Variants in DAPK3 observed in about 807,000 individuals in gnomAD.
The protein encoded by DAPK3 is death associated protein kinase 3.
In DAPK3, 24 loss-of-function variants were observed where a neutral mutation model predicts 30.6. That is an observed-to-expected ratio of 0.78 (90% CI 0.57 to 1.10). The LOEUF (loss-of-function observed/expected upper bound fraction) is 1.10, where lower values mean the gene tolerates loss of function less well. Ranked by LOEUF, DAPK3 falls within the 50% of genes least tolerant of loss-of-function variation. The probability of loss-of-function intolerance (pLI) is 0.00; values close to 1 mark genes in which losing one functional copy is unlikely to be tolerated. For missense variants in DAPK3, 629 were observed against 657.3 expected, an observed-to-expected ratio of 0.96 and a Z score of 0.47; for synonymous variants, 341 against 284.0, an observed-to-expected ratio of 1.20 and a Z score of -2.02.
At position 3,971,040 on chromosome 19, in the gene DAPK3, T is replaced by C. The variant is rs1435847690; in HGVS notation, c.-214A>G. On this transcript the variant is annotated 5_prime_UTR_variant, in exon 1 of 9. Coordinates refer to ENST00000545797, the MANE Select transcript of DAPK3 (RefSeq NM_001348.3). ...TCTTTACCCTCCGCAGCCCGGAGAA[T>C]ACGGCCGGCGCCGCCGCGCTGGCCA... 3 of 153,448 alleles carry C rather than the reference T, an allele frequency of 2.0e-5. No homozygotes were observed. Among genetic ancestry groups the C allele is most frequent in the African/African-American group, 7.3e-5 (3 of 41,368 alleles). The allele number at this position is 153,448 out of a possible 1,614,324, so 9.5% of individuals were successfully genotyped here. A position where few individuals can be genotyped will look rare whatever the true frequency, so the allele number is the denominator to read the frequency against.
At chr19:3,961,544 G>A (rs765565324) in intron 6 of DAPK3, 26 of 494,578 alleles carry the variant, frequency 5.3e-5, no homozygotes, top group African/African-American at 4.9e-4. Flanking sequence ...GGCAGTGAGA[G>A]GCCCCAACAG....
intron 2 of DAPK3, 122 bp from the exon 3 acceptor site, chr19:3,965,113 G>T (rs1408679072): frequency 3.2e-6 from 2 of 627,370 alleles, no homozygotes; most frequent in Admixed American, 5.3e-5. Context: ...GCACTTGAAG[G>T]ACATGAGCTG....
chr19:3,961,373 C>A (rs1479510299), intron 6 of DAPK3: 3 of 712,328 alleles, frequency 4.2e-6, no homozygotes, highest in Non-Finnish European at 8.0e-6. Context: ...CCGCCACTGA[C>A]AGCAGCAGAA....
At position 3,960,056 on chromosome 19, in the gene DAPK3, T is replaced by TA; in HGVS notation, c.828+2dup. ...CAGGGAGCTCCCCCACCTCCCCACT[T>TA]ACCTTAATCCAGGAATGTTCCAGGC... On this transcript the variant is annotated splice_region_variant and intron_variant, in intron 8 of 8. Coordinates refer to ENST00000545797, the MANE Select transcript of DAPK3 (RefSeq NM_001348.3). The TA allele has an allele frequency of 6.6e-7, 1 of 1,525,546 alleles. No homozygotes were observed. The highest frequency in any genetic ancestry group is 9.1e-7 in the Non-Finnish European group (1 of 1,099,744). 94.5% of individuals were successfully genotyped at this position (1,525,546 alleles called of 1,614,324 possible).
chr19:3,963,510 C>A, intron 6 of DAPK3, 133 bp downstream of exon 6: 1 of 563,330 alleles, frequency 1.8e-6, no homozygotes, highest in Non-Finnish European at 3.2e-6. Context: ...CATCCGTTCA[C>A]CCGGTATCCC....
intron 6 of DAPK3, chr19:3,961,556 G>A (rs375739266): frequency 1.1e-4 from 51 of 485,410 alleles, no homozygotes; most frequent in East Asian, 7.0e-4. Flanking sequence ...CCCCAACAGC[G>A]TCTGCCTCCC....
In DAPK3 at chr19:3,969,853, A is replaced by G. The variant is rs531822747; in HGVS notation, c.-94-24T>C. ...CCCTGGAGAAGACAGGGAAAGACAG[A>G]AGTGAGGAACTGAGACACCACCCTT... is the stretch of plus-strand genomic sequence containing the variant. On this transcript the variant is annotated intron_variant, in intron 1 of 8. Coordinates refer to ENST00000545797, the MANE Select transcript of DAPK3 (RefSeq NM_001348.3). The G allele has an allele frequency of 1.6e-5, 11 of 707,124 alleles. No individual in the cohort carries two copies. In the Admixed American group the frequency reaches 1.7e-4, roughly 11 times the overall value. The allele number at this position is 707,124 out of a possible 1,614,324, so 43.8% of individuals were successfully genotyped here. A position where few individuals can be genotyped will look rare whatever the true frequency, so the allele number is the denominator to read the frequency against.
rs1273405453 is a variant in DAPK3 at position 3,966,727 on chromosome 19, C to T, written c.63-1736G>A. 3.9e-5 allele frequency among the ~76,000 whole-genome samples: 6 copies of T among 152,308 alleles called. No homozygotes were observed. The East Asian group carries it at 9.6e-4, about 24-fold the overall frequency. ...TGCGGCCGCTGCACACCTGGACAAC[C>T]TGGTTCTGTAAACCACGCCTTTCCC... is the stretch of plus-strand genomic sequence containing the variant. On this transcript the variant is annotated intron_variant, in intron 2 of 8. Transcript: ENST00000545797.
chr19:3,967,436 C>T (rs2039589834), intron 2 of DAPK3, among the ~76,000 whole-genome samples: 1 of 149,686 alleles, frequency 6.7e-6, no homozygotes, highest in East Asian at 2.0e-4. Flanking sequence ...CCGGGCGACA[C>T]TGCAAGACTC....
chr19:3,958,992 G>A lies in DAPK3; in HGVS notation c.*109C>T. On this transcript the variant is annotated 3_prime_UTR_variant, in exon 9 of 9. Coordinates refer to ENST00000545797, the MANE Select transcript of DAPK3 (RefSeq NM_001348.3). ...CCCACTCCGCCTCCAGCCTGGTGGC[G>A]CTGGGCAAGGACAGGCACCCGGGCG... 2 of 707,292 alleles carry A rather than the reference G, an allele frequency of 2.8e-6. No homozygotes were observed. The highest frequency in any genetic ancestry group is 4.5e-6 in the Non-Finnish European group (2 of 444,050). The allele number at this position is 707,292 out of a possible 1,614,324, so 43.8% of individuals were successfully genotyped here.
rs541223017 is a variant in DAPK3 at position 3,965,836 on chromosome 19, T to G, written c.63-845A>C. On this transcript the variant is annotated intron_variant, in intron 2 of 8. Coordinates refer to ENST00000545797, the MANE Select transcript of DAPK3 (RefSeq NM_001348.3). ...CATACCACCACACCCAATTAATTTTTTTTTCTTTTTGTAAGGATGAGGTCT... is the reference window on the plus strand; with the variant it reads ...CATACCACCACACCCAATTAATTTTGTTTTCTTTTTGTAAGGATGAGGTCT... Among the ~76,000 whole-genome samples the G allele has an allele frequency of 1.1e-4, 16 of 152,116 alleles. No individual in the cohort carries two copies. The East Asian group carries it at 2.9e-3, about 28-fold the overall frequency.
chr19:3,964,805 G>A lies in DAPK3; in HGVS notation c.249C>T (p.Phe83=), dbSNP rs750459243. 1.1e-5 allele frequency: 18 copies of A among 1,612,090 alleles called. No homozygotes were observed. Among genetic ancestry groups the A allele is most frequent in the South Asian group, 3.3e-5 (3 of 91,038 alleles). Residue 83 remains phenylalanine, a synonymous_variant, in exon 3 of 9, where the codon TTC becomes TTT. Coordinates refer to ENST00000545797, the MANE Select transcript of DAPK3 (RefSeq NM_001348.3). Reference sequence around the variant, plus strand: ...TGAGGACCACGTCCGTCTTGTTCTCGAAGATGTCGTGCAGGGTGATGATGT... The same window carrying A: ...TGAGGACCACGTCCGTCTTGTTCTCAAAGATGTCGTGCAGGGTGATGATGT... ...HPNIITLHDI[F]ENKTDVVLIL...
At chr19:3,960,647 C>T (rs770721816) in intron 7 of DAPK3, among the ~76,000 whole-genome samples, 3 of 151,770 alleles carry the variant, frequency 2.0e-5, no homozygotes, top group African/African-American at 4.8e-5. Flanking sequence ...GGCGTGGTGG[C>T]GGGCGTCTAT....
In DAPK3 at chr19:3,969,806, C is replaced by T. The variant is rs766233572; in HGVS notation, c.-71G>A. On this transcript the variant is annotated 5_prime_UTR_variant, in exon 2 of 9. Coordinates refer to ENST00000545797, the MANE Select transcript of DAPK3 (RefSeq NM_001348.3). ...AGTCACCGCAGCCTGGAGATAGGAC[C>T]TCAGGAGTCCCCTAATGGCAACCCT... The T allele has an allele frequency of 1.3e-4, 139 of 1,085,160 alleles. 2 individuals are homozygous for T. Among genetic ancestry groups the T allele is most frequent in the Middle Eastern group, 1.2e-3 (6 of 5,100 alleles). The allele number at this position is 1,085,160 out of a possible 1,614,324, so 67.2% of individuals were successfully genotyped here.
At position 3,965,001 on chromosome 19, in the gene DAPK3, G is replaced by A; in HGVS notation, c.63-10C>T. On this transcript the variant is annotated splice_polypyrimidine_tract_variant and intron_variant, in intron 2 of 8. Transcript: ENST00000545797. The stretch of plus-strand genomic sequence containing the variant: ...GATCGCAAACTGGCCGCTGGAGGAG[G>A]GGGAGGGAGTGAGTGGGGGTGGAGG... 6.4e-7 allele frequency: 1 copy of A among 1,563,404 alleles called. No homozygotes were observed. The highest frequency in any genetic ancestry group is 1.1e-5 in the South Asian group (1 of 89,422).
rs746472976 is a variant in DAPK3 at position 3,959,212 on chromosome 19, G to A, written c.1254C>T (p.Asn418=). The change falls in exon 9 of 9, where the codon AAC becomes AAT. Residue 418 remains asparagine (N), a synonymous_variant. Coordinates refer to ENST00000545797, the MANE Select transcript of DAPK3 (RefSeq NM_001348.3). ...GLKRRFSRLE[N]RYEALAKQVA... ...CTTGCTTGGCCAGCGCCTCGTAGCG[G>A]TTCTCCAGGCGGCTGAAGCGGCGCT... 2 of 1,600,828 alleles carry A rather than the reference G, an allele frequency of 1.2e-6. No individual in the cohort carries two copies. The highest frequency in any genetic ancestry group is 2.2e-5 in the East Asian group (1 of 44,730).
At chr19:3,968,989 C>T (rs983219311) in intron 2 of DAPK3, among the ~76,000 whole-genome samples, 2 of 152,354 alleles carry the variant, frequency 1.3e-5, no homozygotes, top group African/African-American at 4.8e-5. Context: ...AAGAGGAAAC[C>T]TCTGCTTTTT....
At chr19:3,968,069 C>A (rs1030077585) in intron 2 of DAPK3, among the ~76,000 whole-genome samples, 16 of 152,254 alleles carry the variant, frequency 1.1e-4, no homozygotes, top group Non-Finnish European at 2.4e-4. Context: ...CTCAAGCGAT[C>A]CTCCCGCCTT....
At chr19:3,970,575 G>A (rs550230771) in intron 1 of DAPK3, 1 of 148,548 alleles carries the variant, frequency 6.7e-6, no homozygotes, top group Non-Finnish European at 1.5e-5. Flanking sequence ...AGCCCACTTT[G>A]CCTCCCTCCC....
Sources: gnomAD v4.1 joint callset for allele counts (sites outside exome capture counted in the v4.1 genomes callset) on GRCh38, gnomAD v4.1.1 for gene constraint, MANE v1.5 for transcripts, NCBI Gene and HGNC (gene_info 2026-07-23, HGNC 2026-07-21) for gene names.